Variants in PEX5L observed in about 807,000 individuals in gnomAD.
The protein encoded by PEX5L is peroxisomal biogenesis factor 5 like.
In PEX5L, 30 loss-of-function variants were observed where a neutral mutation model predicts 84.0. The observed-to-expected ratio is 0.36, with a 90% CI of 0.27 to 0.48. PEX5L has a LOEUF of 0.48. PEX5L is among the 20% of genes least tolerant of loss of function. PEX5L has a pLI of 0.99. For missense variants in PEX5L, 533 were observed against 754.6 expected (o/e 0.71, Z 3.44); for synonymous variants, 270 against 283.1 (o/e 0.95, Z 0.46).
chr3:180,024,371 T>TATATATATATATATATATATATAC (rs1790721668), intron 1 of PEX5L, among the ~76,000 whole-genome samples: 1 of 90,990 alleles, frequency 1.1e-5, no homozygotes, highest in African/African-American at 8.3e-5. Flanking sequence ...TATATATATA[T>TATATATATATATATATATATATAC]ATACACACAC....
intron 7 of PEX5L, among the ~76,000 whole-genome samples, chr3:179,868,132 G>C (rs559865166): frequency 2.8e-4 from 40 of 145,358 alleles, no homozygotes; most frequent in African/African-American, 1.0e-3. Flanking sequence ...TGCCTGCCTT[G>C]GTCTCCCAAA....
chr3:179,979,942 G>T (rs1786166195), intron 1 of PEX5L, among the ~76,000 whole-genome samples: 1 of 152,092 alleles, frequency 6.6e-6, no homozygotes, highest in Admixed American at 6.6e-5. Context: ...TCCCGCACCT[G>T]CCACTGACTT....
intron 2 of PEX5L, among the ~76,000 whole-genome samples, chr3:179,925,209 C>A (rs1423948343): frequency 6.6e-6 from 1 of 152,114 alleles, no homozygotes; most frequent in African/African-American, 2.4e-5. Context: ...TGTTATTTTT[C>A]TTAATTTAAT....
At chr3:179,946,168 T>C (rs6807998) in intron 2 of PEX5L, among the ~76,000 whole-genome samples, 30,447 of 152,082 alleles carry the variant, frequency 0.2, 3,470 homozygotes, top group African/African-American at 0.29. Flanking sequence ...GGGCTCTGAT[T>C]TTGTAATTCA....
intron 7 of PEX5L, among the ~76,000 whole-genome samples, chr3:179,867,028 AAAAAAAAAAAAAAG>A (rs1240722072): frequency 3.6e-5 from 3 of 83,766 alleles, no homozygotes; most frequent in East Asian, 1.1e-3. Context: ...TCTGTCTCAA[AAAAAAAAAAAAAAG>A]AAAAAAAAAA....
chr3:179,938,770 G>A (rs886575641), intron 2 of PEX5L, among the ~76,000 whole-genome samples: 1 of 152,120 alleles, frequency 6.6e-6, no homozygotes, highest in African/African-American at 2.4e-5. Context: ...ACTTCATTTT[G>A]GAAACTGACT....
intron 1 of PEX5L, among the ~76,000 whole-genome samples, chr3:179,974,975 T>C (rs1041011416): frequency 2.6e-5 from 4 of 152,128 alleles, no homozygotes; most frequent in Non-Finnish European, 5.9e-5. Context: ...GGCAGGAGGA[T>C]CACTTGAGGC....
rs1282822074 is a variant in PEX5L, at chr3:179,930,119, C to G, written c.94-31873G>C. On this transcript the variant is annotated intron_variant, in intron 2 of 14. Coordinates refer to ENST00000467460, the MANE Select transcript of PEX5L (RefSeq NM_016559.3). ...CCCCACTCAAACCCACTGAATCAGA[C>G]ATTCTAGATGTGGGAGTCTAGCAAT... Among the ~76,000 whole-genome samples, 4 of 152,202 alleles carry G rather than the reference C, an allele frequency of 2.6e-5. 1 individual carries two copies. The highest frequency in any genetic ancestry group is 5.9e-5 in the Non-Finnish European group (4 of 68,038).
chr3:179,936,132 A>G (rs1211447249), intron 2 of PEX5L, among the ~76,000 whole-genome samples: 2 of 152,152 alleles, frequency 1.3e-5, no homozygotes, highest in Admixed American at 6.5e-5. Context: ...TGTATGTTGT[A>G]TGTGTGTTTC....
intron 8 of PEX5L, among the ~76,000 whole-genome samples, chr3:179,828,225 G>A (rs542208509): frequency 2.0e-5 from 3 of 152,086 alleles, no homozygotes; most frequent in African/African-American, 7.2e-5. Flanking sequence ...CTATGCTGAG[G>A]TCTTCCTCCC....
rs1717419830 is a variant in PEX5L at position 179,797,546 on chromosome 3, T to C, written c.*4282A>G. 1 of 149,636 alleles carries C rather than the reference T, an allele frequency of 6.7e-6. No individual in the cohort carries two copies. The highest frequency in any genetic ancestry group is 3.5e-3 in the Middle Eastern group (1 of 284). 9.3% of individuals were successfully genotyped at this position (149,636 alleles called of 1,614,324 possible). A position where few individuals can be genotyped will look rare whatever the true frequency, so the allele number is the denominator to read the frequency against. On this transcript the variant is annotated 3_prime_UTR_variant, in exon 15 of 15. Coordinates refer to ENST00000467460, the MANE Select transcript of PEX5L (RefSeq NM_016559.3). ...ATACGTTTTGCTTTTAAAAAATTGC[T>C]TTTTTACAAACTTTATGCCAGAGTT...
At chr3:179,873,512 A>G (rs1229795878) in intron 7 of PEX5L, among the ~76,000 whole-genome samples, 1 of 152,158 alleles carries the variant, frequency 6.6e-6, no homozygotes, top group African/African-American at 2.4e-5. Flanking sequence ...CGTTCAAGGG[A>G]ATGAAAAGAT....
chr3:179,819,908 A>T lies in PEX5L; in HGVS notation c.891T>A (p.Ser297=), dbSNP rs1471794061. ...CTTGGTTCTGGGCTTCTTGGTTCTC[A>T]GATATCCAGTTCCTCCGAGCCATTT... ...WEEMARRNWI[S]ENQEAQNQVT... The change falls in exon 9 of 15, where the codon TCT becomes TCA. Residue 297 remains serine, a synonymous_variant. Transcript: ENST00000467460. The T allele has an allele frequency of 1.2e-6, 2 of 1,614,006 alleles. No individual in the cohort carries two copies. The highest frequency in any genetic ancestry group is 2.7e-5 in the African/African-American group (2 of 74,904).
chr3:180,023,978 G>A (rs1333508325), intron 1 of PEX5L, among the ~76,000 whole-genome samples: 1 of 152,098 alleles, frequency 6.6e-6, no homozygotes, highest in Non-Finnish European at 1.5e-5. Flanking sequence ...CACTATTCAG[G>A]TCTGAAATCC....
intron 2 of PEX5L, among the ~76,000 whole-genome samples, chr3:179,940,606 T>C (rs376701407): frequency 3.9e-5 from 6 of 152,136 alleles, no homozygotes; most frequent in East Asian, 1.9e-4. Flanking sequence ...GCTCCAGTTA[T>C]ATACTGGACA....
intron 14 of PEX5L, among the ~76,000 whole-genome samples, chr3:179,803,238 A>G (rs1719811677): frequency 6.6e-6 from 1 of 152,188 alleles, no homozygotes; most frequent in South Asian, 2.1e-4. Flanking sequence ...CACTTTTCCC[A>G]CTAGACTGTT....
At chr3:179,811,337 T>C (rs565599472) in intron 11 of PEX5L, among the ~76,000 whole-genome samples, 20 of 152,140 alleles carry the variant, frequency 1.3e-4, no homozygotes, top group African/African-American at 4.8e-4. Flanking sequence ...GAAGTCTATT[T>C]GGCAGAGGCT....
chr3:180,025,706 C>T (rs377280889), intron 1 of PEX5L, among the ~76,000 whole-genome samples: 14 of 152,170 alleles, frequency 9.2e-5, no homozygotes, highest in Admixed American at 3.9e-4. Flanking sequence ...TGTGAGAAAA[C>T]AAGAAAAGTA....
Position 180,027,197 on chromosome 3 carries a change from T to C in PEX5L, c.21+9382A>G, listed in dbSNP as rs73059365. ...TCAGGGTGCAAGCTCTGCTGTTCTT[T>C]GTACTGTGAAGGCAGCAGTGGGGTC... On this transcript the variant is annotated intron_variant, in intron 1 of 14. Coordinates refer to ENST00000467460, the MANE Select transcript of PEX5L (RefSeq NM_016559.3). Among the ~76,000 whole-genome samples the C allele has an allele frequency of 8.5e-3, 1,297 of 152,288 alleles. 15 individuals carry two copies. Among genetic ancestry groups the C allele is most frequent in the African/African-American group, 0.03 (1,237 of 41,558 alleles).
Sources: allele counts gnomAD v4.1 joint callset (sites outside exome capture counted in the v4.1 genomes callset), GRCh38; gene constraint gnomAD v4.1.1; transcripts MANE v1.5; gene names NCBI Gene and HGNC (gene_info 2026-07-23, HGNC 2026-07-21).